KIF2A: variants seen among roughly 807,000 people sequenced by gnomAD.
The protein encoded by KIF2A is kinesin family member 2A.
In KIF2A, 22 loss-of-function variants were observed where a neutral mutation model predicts 100.2. That is an observed-to-expected ratio of 0.22 (90% CI 0.16 to 0.31). The LOEUF is 0.31. Ranked by LOEUF, KIF2A falls within the 10% of genes least tolerant of loss-of-function variation. The pLI is 1.00. For missense variants in KIF2A, 495 were observed against 898.7 expected, an observed-to-expected ratio of 0.55 and a Z score of 5.74; for synonymous variants, 268 against 285.9, an observed-to-expected ratio of 0.94 and a Z score of 0.63.
chr5:62,360,850 A>G (rs1000929569), intron 9 of KIF2A, among the ~76,000 whole-genome samples: 2 of 152,120 alleles, frequency 1.3e-5, no homozygotes, highest in Admixed American at 6.5e-5. Context: ...ACATTTTTCT[A>G]TTTATTTAGA....
chr5:62,361,844 A>G (rs1748428549), intron 11 of KIF2A, among the ~76,000 whole-genome samples: 1 of 151,788 alleles, frequency 6.6e-6, no homozygotes, highest in South Asian at 2.1e-4. Flanking sequence ...CAACATGGTG[A>G]AACTCCATCT....
chr5:62,353,103 A>G, intron 5 of KIF2A, 172 bp from the exon 6 acceptor site: 1 of 490,840 alleles, frequency 2.0e-6, no homozygotes, highest in Admixed American at 3.9e-5. Context: ...ACATTGTCCT[A>G]TTTTAGTTTT....
At chr5:62,329,098 T>C (rs74878665) in intron 1 of KIF2A, among the ~76,000 whole-genome samples, 3,832 of 152,298 alleles carry the variant, frequency 0.025, 73 homozygotes, top group Non-Finnish European at 0.037. Context: ...GTAATGAAAA[T>C]CTTAGCTATA....
chr5:62,367,332 T>G (rs1580085278), intron 16 of KIF2A, among the ~76,000 whole-genome samples: 2 of 152,098 alleles, frequency 1.3e-5, no homozygotes, highest in South Asian at 4.2e-4. Flanking sequence ...AGTGGTGTGA[T>G]CTCAGCTCAC....
In KIF2A at chr5:62,350,121, G is replaced by T; in HGVS notation, c.334+1G>T. 6.4e-7 allele frequency: 1 copy of T among 1,556,920 alleles called. No individual in the cohort carries two copies. The highest frequency in any genetic ancestry group is 8.7e-7 in the Non-Finnish European group (1 of 1,145,498). ...GACCCTCCTTCAAGAGATAATAGAGGTAAAGTAAAAATTTATCTCTTAATT... is the reference window on the plus strand; with the variant it reads ...GACCCTCCTTCAAGAGATAATAGAGTTAAAGTAAAAATTTATCTCTTAATT... On this transcript the variant is annotated splice_donor_variant, in intron 4 of 20. Transcript: ENST00000407818. LOFTEE classifies it high-confidence loss of function.
At chr5:62,385,072 G>A (rs1741954803) in intron 20 of KIF2A, among the ~76,000 whole-genome samples, 1 of 152,082 alleles carries the variant, frequency 6.6e-6, no homozygotes, top group African/African-American at 2.4e-5. Flanking sequence ...AACCCATGAG[G>A]TGGAGGTTGC....
At chr5:62,316,881 CA>C (rs1321745634) in intron 1 of KIF2A, among the ~76,000 whole-genome samples, 4 of 151,774 alleles carry the variant, frequency 2.6e-5, no homozygotes, top group African/African-American at 9.7e-5. Context: ...CAATTAATGA[CA>C]AAAAAATTAT....
chr5:62,338,260 G>A (rs1489330311), intron 1 of KIF2A, among the ~76,000 whole-genome samples: 2 of 152,098 alleles, frequency 1.3e-5, no homozygotes, highest in Non-Finnish European at 2.9e-5. Context: ...AAATGCCAAC[G>A]GATTAAGGTC....
intron 3 of KIF2A, among the ~76,000 whole-genome samples, chr5:62,348,656 T>C (rs995455361): frequency 1.3e-5 from 2 of 152,252 alleles, no homozygotes; most frequent in African/African-American, 4.8e-5. Context: ...CCTAGCAGTT[T>C]TATCTTTATA....
rs138676317 is a variant in KIF2A at position 62,348,078 on chromosome 5, C to T, written c.190C>T (p.Pro64Ser). Residue 64 changes from proline (P) to serine (S), a missense_variant, in exon 3 of 21, where the codon CCT (proline) becomes TCT (serine). Around this residue, in one of 10 missense-constraint regions of KIF2A, gnomAD observed 115 missense variants for 143.6 expected, o/e 0.80. Coordinates refer to ENST00000407818, the MANE Select transcript of KIF2A (RefSeq NM_001098511.3). ...CCTGGAGAGCATCTTTTCACTTAACCCTGACCTTGTTCCTGATGAAGAAAT... is the reference window on the plus strand; with the variant it reads ...CCTGGAGAGCATCTTTTCACTTAACTCTGACCTTGTTCCTGATGAAGAAAT... ...IDLESIFSLNPDLVPDEEIEP... is the reference protein window; with the variant it reads ...IDLESIFSLNSDLVPDEEIEP... The T allele has an allele frequency of 3.1e-6, 5 of 1,613,596 alleles. No homozygotes were observed. The highest frequency in any genetic ancestry group is 1.3e-5 in the African/African-American group (1 of 74,892).
At chr5:62,372,307 C>T in intron 16 of KIF2A, 131 bp from the exon 17 acceptor site, 1 of 636,786 alleles carries the variant, frequency 1.6e-6, no homozygotes, top group South Asian at 1.9e-5. Flanking sequence ...AAATAATATT[C>T]TAAATACATT....
chr5:62,327,774 A>G (rs531525730), intron 1 of KIF2A, among the ~76,000 whole-genome samples: 2 of 152,318 alleles, frequency 1.3e-5, no homozygotes, highest in South Asian at 4.1e-4. Context: ...GAAAGTAGAA[A>G]TTTCCACGAC....
At chr5:62,311,045 G>C (rs1279049529) in intron 1 of KIF2A, among the ~76,000 whole-genome samples, 2 of 152,104 alleles carry the variant, frequency 1.3e-5, no homozygotes, top group Non-Finnish European at 2.9e-5. Context: ...GTAATCTGAA[G>C]AGAATCTTAG....
chr5:62,315,697 A>G (rs1745788388), intron 1 of KIF2A, among the ~76,000 whole-genome samples: 1 of 152,218 alleles, frequency 6.6e-6, no homozygotes, highest in Non-Finnish European at 1.5e-5. Context: ...AACAGAGGTA[A>G]GGTAAGGATC....
In KIF2A at chr5:62,388,689, T is replaced by C. The variant is rs1041931894; in HGVS notation, c.*3120T>C. On this transcript the variant is annotated 3_prime_UTR_variant, in exon 21 of 21. Transcript: ENST00000407818. ...AAGGCCTAAAGAAGGCCTTACAGTA[T>C]ATAACAGTAAATAGAAGAGTAACAT... 4.2e-5 allele frequency: 13 copies of C among 310,594 alleles called. No individual in the cohort carries two copies. The highest frequency in any genetic ancestry group is 7.2e-5 in the Non-Finnish European group (12 of 167,152). The allele number at this position is 310,594 out of a possible 1,614,324, so 19.2% of individuals were successfully genotyped here. A position where few individuals can be genotyped will look rare whatever the true frequency, so the allele number is the denominator to read the frequency against.
At chr5:62,335,132 T>G (rs921359316) in intron 1 of KIF2A, among the ~76,000 whole-genome samples, 22 of 152,346 alleles carry the variant, frequency 1.4e-4, no homozygotes, top group African/African-American at 5.1e-4. Flanking sequence ...GGCTCAAGGC[T>G]GAACATCATC....
chr5:62,306,578 G>C (rs1219112164), intron 1 of KIF2A, 42 bp downstream of exon 1: 3 of 1,507,568 alleles, frequency 2.0e-6, no homozygotes. Flanking sequence ...TCGGCCCCGT[G>C]TTCGGGTGTG....
chr5:62,380,444 G>T (rs1166299976), intron 19 of KIF2A, among the ~76,000 whole-genome samples: 1 of 152,080 alleles, frequency 6.6e-6, no homozygotes, highest in Admixed American at 6.6e-5. Context: ...AAATGATGTT[G>T]CTCAGCCCAT....
intron 1 of KIF2A, among the ~76,000 whole-genome samples, chr5:62,342,175 C>G (rs932723674): frequency 5.9e-5 from 9 of 152,166 alleles, no homozygotes; most frequent in African/African-American, 2.2e-4. Context: ...GTGGGGCTGC[C>G]ACGGGCAGTT....
Sources: allele counts gnomAD v4.1 joint callset (sites outside exome capture counted in the v4.1 genomes callset), GRCh38; gene constraint gnomAD v4.1.1; regional missense constraint gnomAD v4.1.1; transcripts MANE v1.5; gene names NCBI Gene and HGNC (gene_info 2026-07-23, HGNC 2026-07-21).